Variants in NINL observed in about 807,000 individuals in gnomAD.
The protein encoded by NINL is ninein-like protein.
NINL carries 153 observed loss-of-function variants against 160.3 expected under a neutral mutation model. The ratio of observed to expected loss-of-function variants is 0.95; its 90% CI spans 0.84 to 1.09. NINL has a LOEUF of 1.09. NINL is among the 50% of genes least tolerant of loss of function. The pLI is 0.00. For synonymous variants in NINL, 800 were observed against 734.8 expected (o/e 1.09, Z -1.43); for missense variants, 1,829 against 1,764.0 (o/e 1.04, Z -0.66).
chr20:25,503,857 TGTG>T (rs2063913055), intron 7 of NINL, 92 bp downstream of exon 7: 26 of 1,445,166 alleles, frequency 1.8e-5, no homozygotes, highest in Non-Finnish European at 2.5e-5. Flanking sequence ...CAGCTTGTTG[TGTG>T]GTGACACAGG....
chr20:25,467,282 C>T (rs2062937542), intron 19 of NINL, 107 bp downstream of exon 19: 6 of 1,034,742 alleles, frequency 5.8e-6, no homozygotes, highest in Non-Finnish European at 7.6e-6. Flanking sequence ...ACTGTCAAGT[C>T]TTTTAGAAGA....
At chr20:25,471,334 A>T (rs2063089059) in intron 17 of NINL, among the ~76,000 whole-genome samples, 1 of 152,202 alleles carries the variant, frequency 6.6e-6, no homozygotes, top group Non-Finnish European at 1.5e-5. Flanking sequence ...TCTTCTTCAT[A>T]TGCCTTCATT....
At chr20:25,510,937 G>A (rs1415197473) in intron 4 of NINL, among the ~76,000 whole-genome samples, 197 bp from the exon 5 acceptor site, 1 of 152,214 alleles carries the variant, frequency 6.6e-6, no homozygotes, top group Non-Finnish European at 1.5e-5. Context: ...GCCCCGCCTA[G>A]CAGCAGCAAG....
intron 15 of NINL, among the ~76,000 whole-genome samples, chr20:25,479,903 T>C (rs370480692): frequency 1.3e-4 from 20 of 152,330 alleles, no homozygotes; most frequent in African/African-American, 4.8e-4. Flanking sequence ...CTGCCTCAAG[T>C]ATCCCCTTGT....
Position 25,489,230 on chromosome 20 carries a change from G to A in NINL, c.1677+14C>T. The A allele has an allele frequency of 6.2e-7, 1 of 1,613,504 alleles. No individual in the cohort carries two copies. Among genetic ancestry groups the A allele is most frequent in the African/African-American group, 1.3e-5 (1 of 75,032 alleles). ...TGGACATGAGACTAAAAGGCAGACAGAGCAGGCACGTACCCGGCACTTGAG... is the reference window on the plus strand; with the variant it reads ...TGGACATGAGACTAAAAGGCAGACAAAGCAGGCACGTACCCGGCACTTGAG... On this transcript the variant is annotated intron_variant, in intron 13 of 23. Transcript: ENST00000278886.
In NINL at chr20:25,579,161, C is replaced by G. The variant is rs533273923; in HGVS notation, c.-12+6294G>C. ...GGAGGCAGTAAGGGATGTTGGAAACCCCACTGTGTTGGGAGGCACAGCAGG... is the reference window on the plus strand; with the variant it reads ...GGAGGCAGTAAGGGATGTTGGAAACGCCACTGTGTTGGGAGGCACAGCAGG... On this transcript the variant is annotated intron_variant, in intron 1 of 23. Coordinates refer to ENST00000278886, the MANE Select transcript of NINL (RefSeq NM_025176.6). Among the ~76,000 whole-genome samples, 3 of 151,978 alleles carry G rather than the reference C, an allele frequency of 2.0e-5. 1 individual carries two copies. Among genetic ancestry groups the G allele is most frequent in the Non-Finnish European group, 4.4e-5 (3 of 68,014 alleles).
chr20:25,517,688 G>A (rs1260652008), intron 3 of NINL, 65 bp downstream of exon 3: 1 of 1,237,604 alleles, frequency 8.1e-7, no homozygotes, highest in African/African-American at 1.6e-5. Context: ...TCTTTCATTA[G>A]AATATTACAC....
At chr20:25,480,419 G>A (rs945300061) in intron 14 of NINL, 152 bp from the exon 15 acceptor site, 24 of 648,524 alleles carry the variant, frequency 3.7e-5, no homozygotes, top group African/African-American at 2.1e-4. Flanking sequence ...GTCAGCACTC[G>A]TCAGTACATA....
intron 1 of NINL, among the ~76,000 whole-genome samples, chr20:25,561,211 A>AT (rs1284860093): frequency 3.3e-5 from 5 of 151,904 alleles, no homozygotes; most frequent in Non-Finnish European, 5.9e-5. Flanking sequence ...GGGTTTTCCT[A>AT]TTTTTTTGGT....
rs1328227732 is a variant in NINL at position 25,467,417 on chromosome 20, C to T, written c.3395G>A (p.Cys1132Tyr). ...EVLKKDKEKA[C>Y]SEMEVLNRQN... ...TCTGTTGAGCACCTCCATCTCAGAG[C>T]AGGCCTTTTCCTTGTCTTTCTTTAA... The change falls in exon 19 of 24, where the codon TGC becomes TAC. Residue 1132 changes from cysteine to tyrosine, a missense_variant. Transcript: ENST00000278886. 1.2e-6 allele frequency: 2 copies of T among 1,614,162 alleles called. No individual in the cohort carries two copies. Among genetic ancestry groups the T allele is most frequent in the South Asian group, 2.2e-5 (2 of 91,082 alleles).
At chr20:25,555,466 T>C (rs2064855065) in intron 1 of NINL, among the ~76,000 whole-genome samples, 1 of 152,244 alleles carries the variant, frequency 6.6e-6, no homozygotes, top group Non-Finnish European at 1.5e-5. Flanking sequence ...GTAAAATTTG[T>C]ACTGAAAAAT....
intron 13 of NINL, among the ~76,000 whole-genome samples, chr20:25,485,161 GGTA>G (rs148873642): frequency 0.012 from 1,868 of 152,312 alleles, 32 homozygotes; most frequent in African/African-American, 0.04. Flanking sequence ...TCTGGCCCTG[GGTA>G]GATGCACTGA....
chr20:25,516,673 A>G (rs1403833418), intron 3 of NINL, among the ~76,000 whole-genome samples: 1 of 152,102 alleles, frequency 6.6e-6, no homozygotes, highest in Non-Finnish European at 1.5e-5. Context: ...CATCTTAAAG[A>G]AGGAAAGTGT....
intron 20 of NINL, among the ~76,000 whole-genome samples, chr20:25,462,150 G>A (rs1181700110): frequency 6.6e-6 from 1 of 152,194 alleles, no homozygotes; most frequent in Non-Finnish European, 1.5e-5. Flanking sequence ...TGCCCTCGGG[G>A]AACTTTGTAC....
intron 1 of NINL, among the ~76,000 whole-genome samples, chr20:25,580,462 T>C (rs1279129241): frequency 6.6e-6 from 1 of 152,170 alleles, no homozygotes; most frequent in Non-Finnish European, 1.5e-5. Context: ...CTCTCCTGTT[T>C]CAGAAACTAA....
At position 25,476,446 on chromosome 20, in the gene NINL, C is replaced by T. The variant is rs1424077053; in HGVS notation, c.2845G>A (p.Asp949Asn). 6.2e-7 allele frequency: 1 copy of T among 1,607,968 alleles called. No homozygotes were observed. The highest frequency in any genetic ancestry group is 1.7e-5 in the Admixed American group (1 of 60,012). The change falls in exon 17 of 24, where the codon GAC (aspartate) becomes AAC (asparagine). Residue 949 changes from aspartate (D) to asparagine (N), a missense_variant. Physicochemically the swap from Asp to Asn is conservative, Grantham distance 23. Coordinates refer to ENST00000278886, the MANE Select transcript of NINL (RefSeq NM_025176.6). ...ATCCGTGGCTGGGTTTGCGAGGCGT[C>T]TCTCTCTGTTCCCAGCAGAGGCAGC... is the stretch of plus-strand genomic sequence containing the variant. ...RELPLLGTERDASQTQPRMWE... is the reference protein window; with the variant it reads ...RELPLLGTERNASQTQPRMWE...
chr20:25,522,849 A>G (rs2064287131), intron 2 of NINL, among the ~76,000 whole-genome samples: 1 of 152,230 alleles, frequency 6.6e-6, no homozygotes, highest in Middle Eastern at 3.2e-3. Flanking sequence ...TACCAATAAG[A>G]TACACCATCC....
At chr20:25,575,902 C>T (rs901172671) in intron 1 of NINL, among the ~76,000 whole-genome samples, 1 of 152,158 alleles carries the variant, frequency 6.6e-6, no homozygotes, top group Non-Finnish European at 1.5e-5. Context: ...TCCCTCCCTC[C>T]ATATCATCTA....
chr20:25,510,375 T>TG (rs1280949476), intron 5 of NINL, among the ~76,000 whole-genome samples: 2 of 152,204 alleles, frequency 1.3e-5, no homozygotes, highest in Non-Finnish European at 2.9e-5. Flanking sequence ...ACCTGCCAGC[T>TG]GGGGTCACAT....
Sources: allele counts gnomAD v4.1 joint callset (sites outside exome capture counted in the v4.1 genomes callset), GRCh38; gene constraint gnomAD v4.1.1; transcripts MANE v1.5; gene names NCBI Gene and HGNC (gene_info 2026-07-23, HGNC 2026-07-21).